DMD: variants seen among roughly 807,000 people sequenced by gnomAD.
DMD encodes the protein mutant dystrophin.
A neutral mutation model predicts 330.1 loss-of-function variants in DMD; 63 were observed. The ratio of observed to expected loss-of-function variants is 0.19; its 90% CI spans 0.16 to 0.24. The LOEUF is 0.24. DMD is among the 10% of genes least tolerant of loss of function. The probability of loss-of-function intolerance (pLI) is 1.00; values close to 1 mark genes in which losing one functional copy is unlikely to be tolerated. For synonymous variants in DMD, 1,223 were observed against 959.8 expected, an observed-to-expected ratio of 1.27 and a Z score of -5.07; for missense variants, 3,344 against 2,684.1, an observed-to-expected ratio of 1.25 and a Z score of -5.43.
chrX:31,142,878 T>A (rs747495985), intron 76 of DMD, among the ~76,000 whole-genome samples: 6 of 112,379 alleles, frequency 5.3e-5, no homozygotes, highest in Non-Finnish European at 1.1e-4. Flanking sequence ...ACATAGAGAC[T>A]CAGTGATAAG....
chrX:31,510,685 A>G (rs192771192), intron 55 of DMD, among the ~76,000 whole-genome samples: 1 of 107,918 alleles, frequency 9.3e-6, no homozygotes, highest in African/African-American at 3.4e-5. Flanking sequence ...TTTTTTTTGT[A>G]TTTTTAGTAG....
chrX:32,732,539 G>C (rs1434634155), intron 7 of DMD, among the ~76,000 whole-genome samples: 1 of 111,507 alleles, frequency 9.0e-6, no homozygotes, highest in Admixed American at 9.5e-5. Context: ...TCAAAGGGAA[G>C]CCCATCACAC....
intron 41 of DMD, among the ~76,000 whole-genome samples, chrX:32,339,517 T>A (rs745339034): frequency 1.8e-5 from 2 of 111,533 alleles, no homozygotes; most frequent in Non-Finnish European, 3.8e-5. Context: ...AGATACCCTC[T>A]ACTATGCTTT....
chrX:32,565,781 T>C lies in DMD; in HGVS notation c.1913A>G (p.Gln638Arg). 1 of 1,211,736 alleles carries C rather than the reference T, an allele frequency of 8.3e-7. No homozygotes were observed. Among genetic ancestry groups the C allele is most frequent in the Non-Finnish European group, 1.1e-6 (1 of 895,290 alleles). ...LSTLKNKSVT[Q>R]KTEAWLDNFA... ...GTTATCCAGCCATGCTTCCGTCTTC[T>C]GGGTCACTGACTTATTCTTCAGTGT... The change falls in exon 16 of 79, where the codon CAG (glutamine) becomes CGG (arginine). Residue 638 changes from glutamine to arginine, a missense_variant. Physicochemically the swap from Gln to Arg is conservative, Grantham distance 43. Coordinates refer to ENST00000357033, the MANE Select transcript of DMD (RefSeq NM_004006.3).
intron 43 of DMD, among the ~76,000 whole-genome samples, chrX:32,255,264 G>A (rs1438195116): frequency 8.9e-6 from 1 of 111,875 alleles, no homozygotes; most frequent in African/African-American, 3.2e-5. Context: ...AAATATCTGT[G>A]TGAATACCTG....
chrX:31,121,558 C>T lies in DMD; in HGVS notation c.*361G>A, dbSNP rs2032562227. The stretch of plus-strand genomic sequence containing the variant: ...TAACTGTTATAAATTTTTAAACAAC[C>T]CAAAATGCGTTCCATATAAAGAAAT... On this transcript the variant is annotated 3_prime_UTR_variant, in exon 79 of 79. Transcript: ENST00000357033. 3 of 248,669 alleles carry T rather than the reference C, an allele frequency of 1.2e-5. No individual in the cohort carries two copies. In the South Asian group the frequency reaches 2.4e-4, roughly 20 times the overall value. 20.5% of individuals were successfully genotyped at this position (248,669 alleles called of 1,213,427 possible).
At chrX:32,120,798 A>G (rs955476954) in intron 44 of DMD, among the ~76,000 whole-genome samples, 9 of 111,927 alleles carry the variant, frequency 8.0e-5, no homozygotes, top group African/African-American at 2.9e-4. Flanking sequence ...CAAGGTGGTT[A>G]ATGAGCCACT....
At chrX:33,019,750 C>G (rs768070488) in intron 2 of DMD, among the ~76,000 whole-genome samples, 10 of 111,325 alleles carry the variant, frequency 9.0e-5, no homozygotes, top group Non-Finnish European at 1.7e-4. Flanking sequence ...TATTGCTTTT[C>G]TTGAACTTGG....
At chrX:32,701,630 A>G (rs1040462285) in intron 7 of DMD, among the ~76,000 whole-genome samples, 1 of 111,561 alleles carries the variant, frequency 9.0e-6, no homozygotes, top group Non-Finnish European at 1.9e-5. Context: ...TGTGATTAGC[A>G]TAACTTAGAG....
At chrX:32,856,272 C>G (rs1340461944) in intron 2 of DMD, among the ~76,000 whole-genome samples, 1 of 111,607 alleles carries the variant, frequency 9.0e-6, no homozygotes. Flanking sequence ...AAACTGAAAA[C>G]AGAACTACCA....
intron 48 of DMD, among the ~76,000 whole-genome samples, chrX:31,842,404 T>C (rs2093334567): frequency 8.9e-6 from 1 of 112,347 alleles, no homozygotes; most frequent in Non-Finnish European, 1.9e-5. Flanking sequence ...GTAAACTTAG[T>C]TGGTAAAGCA....
At chrX:32,393,057 T>C (rs928719564) in intron 30 of DMD, among the ~76,000 whole-genome samples, 1 of 112,389 alleles carries the variant, frequency 8.9e-6, no homozygotes, top group African/African-American at 3.2e-5. Flanking sequence ...TTAGTGGGAA[T>C]AATAAATGGC....
intron 1 of DMD, among the ~76,000 whole-genome samples, chrX:33,141,029 C>T (rs930107161): frequency 9.0e-6 from 1 of 111,575 alleles, no homozygotes; most frequent in Non-Finnish European, 1.9e-5. Flanking sequence ...TTGTTACATG[C>T]TGTATACATT....
At chrX:33,022,541 T>G (rs1292333357) in intron 1 of DMD, among the ~76,000 whole-genome samples, 2 of 110,251 alleles carry the variant, frequency 1.8e-5, no homozygotes, top group Admixed American at 2.0e-4. Flanking sequence ...TTCTTCAACA[T>G]AATAATTATT....
At chrX:31,737,823 T>A (rs1392879140) in intron 51 of DMD, among the ~76,000 whole-genome samples, 2 of 111,790 alleles carry the variant, frequency 1.8e-5, no homozygotes, top group Non-Finnish European at 3.8e-5. Flanking sequence ...ACAGCTGAAC[T>A]TTGGCAGATT....
chrX:32,761,638 T>G (rs1424454092), intron 7 of DMD, among the ~76,000 whole-genome samples: 1 of 111,554 alleles, frequency 9.0e-6, no homozygotes, highest in African/African-American at 3.3e-5. Flanking sequence ...AGCTCCAGAC[T>G]GAACAGTAAT....
intron 1 of DMD, among the ~76,000 whole-genome samples, chrX:33,296,420 T>C (rs1183150753): frequency 2.7e-5 from 3 of 110,966 alleles, no homozygotes; most frequent in African/African-American, 9.8e-5. Context: ...TTTGAATTTA[T>C]GTCTTCTAGG....
intron 30 of DMD, among the ~76,000 whole-genome samples, chrX:32,399,508 T>A (rs528132319): frequency 0.026 from 2,899 of 111,430 alleles, 59 homozygotes; most frequent in African/African-American, 0.069. Flanking sequence ...CATAACAGAA[T>A]AGTAAATCAA....
chrX:32,132,050 G>T (rs1452840365), intron 44 of DMD, among the ~76,000 whole-genome samples: 2 of 111,962 alleles, frequency 1.8e-5, no homozygotes, highest in Non-Finnish European at 3.8e-5. Context: ...TTGTTATTTA[G>T]GGATGAAGGC....
Sources: gnomAD v4.1 joint callset for allele counts (sites outside exome capture counted in the v4.1 genomes callset) on GRCh38, gnomAD v4.1.1 for gene constraint, MANE v1.5 for transcripts, NCBI Gene and HGNC (gene_info 2026-07-23, HGNC 2026-07-21) for gene names.